The following RASSF5 variants were observed in gnomAD, a reference collection of about 807,000 sequenced individuals.
The protein encoded by RASSF5 is Ras association domain family member 5, also known as ras association domain-containing protein 5.
Under a neutral mutation model 40.5 loss-of-function variants are expected in RASSF5, and 25 were observed. The observed-to-expected ratio is 0.62, with a 90% CI of 0.45 to 0.86. The LOEUF (loss-of-function observed/expected upper bound fraction) is 0.86. Among genes scored for constraint, RASSF5 ranks in the 40% least tolerant of loss-of-function variants. The pLI, the probability that RASSF5 is intolerant of heterozygous loss-of-function variation, is 0.00. For synonymous variants in RASSF5, 246 were observed against 252.4 expected (o/e 0.97, Z 0.24); for missense variants, 521 against 572.8 (o/e 0.91, Z 0.92).
intron 1 of RASSF5, among the ~76,000 whole-genome samples, chr1:206,525,557 C>T (rs1667077818): frequency 6.6e-6 from 1 of 152,294 alleles, no homozygotes. Flanking sequence ...TACAGGCACA[C>T]ACCATCCCCC....
At chr1:206,522,130 G>A (rs191312846) in intron 1 of RASSF5, among the ~76,000 whole-genome samples, 7 of 151,464 alleles carry the variant, frequency 4.6e-5, no homozygotes, top group East Asian at 1.9e-4. Context: ...TCTCTCTCTC[G>A]AATCCTTTCA....
intron 5 of RASSF5, chr1:206,586,601 A>G (rs976680224): frequency 3.9e-5 from 20 of 508,898 alleles, no homozygotes; most frequent in African/African-American, 3.9e-4. Context: ...TGGTTCATAG[A>G]CTGGCAACTC....
intron 1 of RASSF5, chr1:206,518,454 C>A (rs558644434): frequency 2.5e-6 from 1 of 398,576 alleles, no homozygotes; most frequent in Admixed American, 4.4e-5. Context: ...TCAGCTCCAG[C>A]GGCTCTTCTG....
At chr1:206,565,036 G>A (rs1668247574) in intron 2 of RASSF5, among the ~76,000 whole-genome samples, 2 of 152,054 alleles carry the variant, frequency 1.3e-5, no homozygotes, top group South Asian at 4.1e-4. Flanking sequence ...CTCTAGAATG[G>A]CATTTTCTAC....
At chr1:206,512,448 C>T (rs908175817) in intron 1 of RASSF5, among the ~76,000 whole-genome samples, 1 of 152,168 alleles carries the variant, frequency 6.6e-6, no homozygotes, top group African/African-American at 2.4e-5. Flanking sequence ...ATCCCAGGTA[C>T]AGTCAAAAAT....
chr1:206,557,845 G>A (rs1303519721), intron 2 of RASSF5: 1 of 808,600 alleles, frequency 1.2e-6, no homozygotes. Flanking sequence ...CATCGTATCT[G>A]GAGCCCTTCA....
rs528878952 is a variant in RASSF5, at chr1:206,551,740, T to G, written c.579+13447T>G. 2.0e-5 allele frequency among the ~76,000 whole-genome samples: 3 copies of G among 152,300 alleles called. No individual in the cohort carries two copies. The East Asian group carries it at 5.8e-4, about 29-fold the overall frequency. On this transcript the variant is annotated intron_variant, in intron 2 of 5. Coordinates refer to ENST00000579436, the MANE Select transcript of RASSF5 (RefSeq NM_182663.4). ...CTGGGCTCTTCACAGCCTATCCCCT[T>G]TTACCCTAGAAGCAGTGGGCTTCCT... is the stretch of plus-strand genomic sequence containing the variant.
chr1:206,520,860 C>T (rs2103506802), intron 1 of RASSF5, among the ~76,000 whole-genome samples: 1 of 152,236 alleles, frequency 6.6e-6, no homozygotes, highest in South Asian at 2.1e-4. Context: ...TGAGTGCTCC[C>T]AGGAAGACTT....
At chr1:206,544,687 C>T (rs1667629782) in intron 2 of RASSF5, 2 of 152,710 alleles carry the variant, frequency 1.3e-5, no homozygotes, top group Admixed American at 6.5e-5. Context: ...CCTTGCAGGT[C>T]CCTGCTGCCT....
At position 206,509,738 on chromosome 1, in the gene RASSF5, T is replaced by G. The variant is rs1053917310; in HGVS notation, c.457+1679T>G. The stretch of plus-strand genomic sequence containing the variant: ...GTTTTGTGATTTTCTTTTTTTTTTT[T>G]GGTTTGGTGATAATGGTGCGTTTGT... On this transcript the variant is annotated intron_variant, in intron 1 of 5. Coordinates refer to ENST00000579436, the MANE Select transcript of RASSF5 (RefSeq NM_182663.4). Among the ~76,000 whole-genome samples the G allele has an allele frequency of 3.3e-3, 487 of 145,780 alleles. 2 individuals are homozygous for G. The highest frequency in any genetic ancestry group is 4.9e-3 in the Admixed American group (72 of 14,596).
intron 2 of RASSF5, chr1:206,580,731 G>A (rs1280033526): frequency 6.6e-6 from 1 of 152,242 alleles, no homozygotes; most frequent in African/African-American, 2.4e-5. Context: ...CTTGCCCTTG[G>A]GTGGTCTGCA....
intron 2 of RASSF5, 104 bp downstream of exon 2, chr1:206,538,397 C>A: frequency 6.8e-7 from 1 of 1,460,380 alleles, no homozygotes; most frequent in Non-Finnish European, 9.4e-7. Context: ...TGGCATGAGG[C>A]CTCAGATTCC....
intron 2 of RASSF5, among the ~76,000 whole-genome samples, chr1:206,572,435 G>A (rs1668482269): frequency 6.6e-6 from 1 of 152,162 alleles, no homozygotes; most frequent in Non-Finnish European, 1.5e-5. Flanking sequence ...AGCACATGGT[G>A]CCCCTGGGAT....
intron 1 of RASSF5, among the ~76,000 whole-genome samples, chr1:206,519,611 CT>C (rs1171119855): frequency 3.3e-5 from 5 of 152,292 alleles, no homozygotes; most frequent in Admixed American, 6.5e-5. Flanking sequence ...TTGGGGCCCC[CT>C]GTCCCCATTT....
intron 2 of RASSF5, among the ~76,000 whole-genome samples, chr1:206,545,484 G>A (rs567157837): frequency 6.7e-6 from 1 of 149,906 alleles, no homozygotes; most frequent in African/African-American, 2.5e-5. Context: ...TGGTACTACA[G>A]GTGTGTGCCA....
At chr1:206,571,281 A>G (rs1180894656) in intron 2 of RASSF5, 1 of 105,208 alleles carries the variant, frequency 9.5e-6, no homozygotes, top group East Asian at 2.7e-4. Context: ...TTTTTTCATC[A>G]GGTTTTTTTT....
intron 2 of RASSF5, among the ~76,000 whole-genome samples, chr1:206,566,583 GTCT>G (rs1488222194): frequency 7.2e-5 from 11 of 152,152 alleles, no homozygotes; most frequent in Admixed American, 4.6e-4. Flanking sequence ...CAAGAGGCAG[GTCT>G]TCTCACCCCA....
chr1:206,570,392 C>T (rs1668409843), intron 2 of RASSF5, among the ~76,000 whole-genome samples: 1 of 152,108 alleles, frequency 6.6e-6, no homozygotes, highest in Non-Finnish European at 1.5e-5. Context: ...CTGCACCCAG[C>T]CAAAATGTAC....
At chr1:206,573,750 G>A (rs1396177408) in intron 2 of RASSF5, among the ~76,000 whole-genome samples, 1 of 152,276 alleles carries the variant, frequency 6.6e-6, no homozygotes, top group Non-Finnish European at 1.5e-5. Flanking sequence ...GCTCACGCCT[G>A]TAATCCCAGC....
Sources: gnomAD v4.1 joint callset for allele counts (sites outside exome capture counted in the v4.1 genomes callset) on GRCh38, gnomAD v4.1.1 for gene constraint, MANE v1.5 for transcripts, NCBI Gene and HGNC (gene_info 2026-07-23, HGNC 2026-07-21) for gene names.